TRABD2B: variants seen among roughly 807,000 people sequenced by gnomAD.
TRABD2B encodes metalloprotease TIKI2.
A neutral mutation model predicts 40.1 loss-of-function variants in TRABD2B; 14 were observed. The observed-to-expected ratio is 0.35, with a 90% CI of 0.23 to 0.55. The LOEUF (loss-of-function observed/expected upper bound fraction) is 0.55, where lower values mean the gene tolerates loss of function less well. TRABD2B is among the 20% of genes least tolerant of loss of function. The probability of loss-of-function intolerance (pLI) is 0.90; values close to 1 mark genes in which losing one functional copy is unlikely to be tolerated. For missense variants in TRABD2B, 541 were observed against 648.6 expected (o/e 0.83, Z 1.80); for synonymous variants, 263 against 277.0 (o/e 0.95, Z 0.50).
chr1:47,829,044 G>A (rs1453212261), intron 2 of TRABD2B, among the ~76,000 whole-genome samples: 1 of 152,202 alleles, frequency 6.6e-6, no homozygotes, highest in Non-Finnish European at 1.5e-5. Context: ...ATGTGGGGAG[G>A]GCAGGGAGGG....
intron 2 of TRABD2B, among the ~76,000 whole-genome samples, chr1:47,874,521 C>T (rs2124603329): frequency 6.7e-6 from 1 of 150,360 alleles, no homozygotes; most frequent in East Asian, 2.0e-4. Context: ...ATCCACCCGC[C>T]TCGGCCTCCC....
intron 2 of TRABD2B, among the ~76,000 whole-genome samples, chr1:47,864,786 C>T (rs1038018491): frequency 2.0e-5 from 3 of 152,106 alleles, no homozygotes; most frequent in African/African-American, 7.2e-5. Context: ...GGCCCTACTG[C>T]CTGAAAACTA....
intron 2 of TRABD2B, among the ~76,000 whole-genome samples, chr1:47,900,719 G>A (rs564504733): frequency 3.9e-5 from 6 of 152,144 alleles, no homozygotes; most frequent in Admixed American, 6.5e-5. Context: ...TAAGTGCTCC[G>A]ACTATGGCCG....
At position 47,953,144 on chromosome 1, in the gene TRABD2B, C is replaced by T. The variant is rs530032863; in HGVS notation, c.666+40890G>A. On this transcript the variant is annotated intron_variant, in intron 2 of 6. Coordinates refer to ENST00000606738, the MANE Select transcript of TRABD2B (RefSeq NM_001194986.2). ...AATTGAAAAATGCCACAGAGGACTG[C>T]CCAGCCCAAGCAGCCCAGAAAAATG... 5.9e-5 allele frequency among the ~76,000 whole-genome samples: 9 copies of T among 152,256 alleles called. 1 individual carries two copies. In the South Asian group the frequency reaches 1.7e-3, roughly 28 times the overall value.
At chr1:47,959,824 T>A (rs1348001503) in intron 2 of TRABD2B, among the ~76,000 whole-genome samples, 1 of 151,990 alleles carries the variant, frequency 6.6e-6, no homozygotes, top group Non-Finnish European at 1.5e-5. Context: ...ACTACTCCAA[T>A]CAATAGAAAA....
At chr1:47,953,657 A>G (rs996878053) in intron 2 of TRABD2B, among the ~76,000 whole-genome samples, 16 of 152,218 alleles carry the variant, frequency 1.1e-4, no homozygotes, top group African/African-American at 3.6e-4. Context: ...ACTTTCTTAA[A>G]TAAAATGAAG....
chr1:47,833,696 G>C (rs940751905), intron 2 of TRABD2B, among the ~76,000 whole-genome samples: 3 of 152,180 alleles, frequency 2.0e-5, no homozygotes, highest in Non-Finnish European at 2.9e-5. Context: ...AGATCTTCAG[G>C]ACATTGCCTT....
chr1:47,806,597 A>G (rs1187515738), intron 2 of TRABD2B, among the ~76,000 whole-genome samples: 1 of 152,204 alleles, frequency 6.6e-6, no homozygotes, highest in East Asian at 1.9e-4. Context: ...CAGGAGCTCC[A>G]GAGCATCCTC....
intron 2 of TRABD2B, among the ~76,000 whole-genome samples, chr1:47,944,974 G>C (rs868359889): frequency 2.0e-5 from 3 of 152,126 alleles, no homozygotes; most frequent in Non-Finnish European, 4.4e-5. Context: ...CACTGATGCG[G>C]GGACAAGTCT....
intron 2 of TRABD2B, among the ~76,000 whole-genome samples, chr1:47,966,819 C>A (rs530811934): frequency 2.0e-5 from 3 of 151,726 alleles, no homozygotes; most frequent in Admixed American, 2.0e-4. Context: ...GCAGTAGGAT[C>A]GCTTGAACCC....
rs937909373 is a variant in TRABD2B, at chr1:47,761,051, A to T, written c.*4851T>A. ...GTGGGTCCTGGGAAGAAAGCCAAGC[A>T]CCTCATCTCCATGGAGGCCCAAGAT... On this transcript the variant is annotated 3_prime_UTR_variant, in exon 7 of 7. Transcript: ENST00000606738. 1 of 152,058 alleles carries T rather than the reference A, an allele frequency of 6.6e-6. No individual in the cohort carries two copies. The highest frequency in any genetic ancestry group is 2.4e-5 in the African/African-American group (1 of 41,372). 9.4% of individuals were successfully genotyped at this position (152,058 alleles called of 1,614,324 possible).
At chr1:47,782,339 T>A (rs1030064396) in intron 4 of TRABD2B, among the ~76,000 whole-genome samples, 3 of 152,180 alleles carry the variant, frequency 2.0e-5, no homozygotes, top group African/African-American at 7.2e-5. Flanking sequence ...TAGGTCACCA[T>A]CACCTTCTGC....
chr1:47,926,822 A>G (rs1439953180), intron 2 of TRABD2B, among the ~76,000 whole-genome samples: 1 of 152,068 alleles, frequency 6.6e-6, no homozygotes, highest in African/African-American at 2.4e-5. Context: ...TCTCCAGCAC[A>G]CCCTTCCTGC....
chr1:47,834,575 ACG>A (rs371863668), intron 2 of TRABD2B, among the ~76,000 whole-genome samples: 6,272 of 148,724 alleles, frequency 0.042, 191 homozygotes, highest in Middle Eastern at 0.08. Context: ...ACACACACAC[ACG>A]CGCACACACA....
At chr1:47,957,922 T>C (rs1047400303) in intron 2 of TRABD2B, among the ~76,000 whole-genome samples, 1 of 152,090 alleles carries the variant, frequency 6.6e-6, no homozygotes, top group African/African-American at 2.4e-5. Flanking sequence ...TTCACCAAAG[T>C]TGAAATGAGG....
intron 2 of TRABD2B, among the ~76,000 whole-genome samples, chr1:47,925,161 A>T (rs900185891): frequency 1.2e-4 from 18 of 152,176 alleles, no homozygotes; most frequent in African/African-American, 4.3e-4. Context: ...GATTAGTTTG[A>T]CTTCCAGTCC....
chr1:47,895,906 A>G (rs1484678765), intron 2 of TRABD2B, among the ~76,000 whole-genome samples: 2 of 152,160 alleles, frequency 1.3e-5, no homozygotes, highest in Admixed American at 1.3e-4. Context: ...GCCTGCGCAT[A>G]TTCTCCATCA....
intron 2 of TRABD2B, among the ~76,000 whole-genome samples, chr1:47,982,338 C>A (rs1355071483): frequency 6.6e-6 from 1 of 152,216 alleles, no homozygotes; most frequent in Non-Finnish European, 1.5e-5. Context: ...TTAACTCTTA[C>A]TGTGTGCCAG....
In TRABD2B at chr1:47,994,963, G is replaced by A. The variant is rs961095033; in HGVS notation, c.103-366C>T. 4.6e-5 allele frequency among the ~76,000 whole-genome samples: 7 copies of A among 152,186 alleles called. No homozygotes were observed. Among genetic ancestry groups the A allele is most frequent in the African/African-American group, 1.7e-4 (7 of 41,432 alleles). ...GTCAGCAATGAAGGGAAACTCTCAT[G>A]ATTAGCGTTCCCTGTGAGTGCCAAG... On this transcript the variant is annotated intron_variant, in intron 1 of 6. Transcript: ENST00000606738. This position sits in a 1 kb window ranked among gnomAD's most constrained non-coding sequence, Gnocchi z 6.7.
Sources: gnomAD v4.1 joint callset for allele counts (sites outside exome capture counted in the v4.1 genomes callset) on GRCh38, gnomAD v4.1.1 for gene constraint, Gnocchi (gnomAD v3.1) non-coding constraint, MANE v1.5 for transcripts, NCBI Gene and HGNC (gene_info 2026-07-23, HGNC 2026-07-21) for gene names.